Variants in RSPH9 observed in about 807,000 individuals in gnomAD.
RSPH9 encodes radial spoke head protein 9 homolog.
In RSPH9, 27 loss-of-function variants were observed where a neutral mutation model predicts 27.0. The observed-to-expected ratio is 1.00, with a 90% CI of 0.74 to 1.38. RSPH9 has a LOEUF of 1.38. RSPH9 is among the 40% of genes most tolerant of loss of function. The pLI is 0.00. For synonymous variants in RSPH9, 145 were observed against 147.7 expected (o/e 0.98, Z 0.13); for missense variants, 347 against 357.4 (o/e 0.97, Z 0.24).
chr6:43,652,401 T>C (rs138016123), intron 2 of RSPH9, among the ~76,000 whole-genome samples: 2,004 of 152,074 alleles, frequency 0.013, 21 homozygotes, highest in Non-Finnish European at 0.022. Context: ...GATCTTTCTA[T>C]ATCAGTGTCT....
chr6:43,671,030 T>G lies in RSPH9; in HGVS notation c.*81T>G. The G allele has an allele frequency of 6.5e-7, 1 of 1,533,388 alleles. No homozygotes were observed. Among genetic ancestry groups the G allele is most frequent in the African/African-American group, 1.4e-5 (1 of 73,488 alleles). 95.0% of individuals were successfully genotyped at this position (1,533,388 alleles called of 1,614,324 possible). On this transcript the variant is annotated 3_prime_UTR_variant, in exon 5 of 5. Transcript: ENST00000372163. The stretch of plus-strand genomic sequence containing the variant: ...TTCAGTGAACTTGGCCTGCCTGTTC[T>G]GTCCTATCTTCTTAACTCCACCTCC...
At chr6:43,661,023 A>G (rs983264046) in intron 4 of RSPH9, among the ~76,000 whole-genome samples, 17 of 152,238 alleles carry the variant, frequency 1.1e-4, no homozygotes, top group Admixed American at 9.2e-4. Flanking sequence ...CCATCAGAGC[A>G]CAACATTAAT....
intron 1 of RSPH9, among the ~76,000 whole-genome samples, chr6:43,649,950 G>A (rs6911069): frequency 0.052 from 7,869 of 152,268 alleles, 312 homozygotes; most frequent in African/African-American, 0.1. Context: ...TTTAGACAGA[G>A]TCTTGCTCTG....
In RSPH9 at chr6:43,656,700, C is replaced by T. The variant is rs866197166; in HGVS notation, c.647C>T (p.Ser216Phe). The change falls in exon 4 of 5, where the codon TCC becomes TTC. Residue 216 changes from serine to phenylalanine, a missense_variant. Transcript: ENST00000372163. ...DLDPSLDFMD[S>F]LEHDIPKGSW... is the part of the protein sequence containing the mutation. ...GACCCCTCCCTGGATTTCATGGACT[C>T]CTTGGAGCATGACATTCCCAAAGGT... The T allele has an allele frequency of 1.2e-6, 2 of 1,614,198 alleles. No homozygotes were observed. Among genetic ancestry groups the T allele is most frequent in the Non-Finnish European group, 1.7e-6 (2 of 1,180,030 alleles).
intron 4 of RSPH9, among the ~76,000 whole-genome samples, chr6:43,667,276 A>T (rs537314809): frequency 7.4e-4 from 112 of 152,308 alleles, no homozygotes; most frequent in Non-Finnish European, 1.1e-3. Context: ...GTAAAGGAGG[A>T]GGGCTGGAGG....
intron 4 of RSPH9, among the ~76,000 whole-genome samples, chr6:43,660,853 T>C (rs902594451): frequency 6.6e-6 from 1 of 151,848 alleles, no homozygotes; most frequent in Non-Finnish European, 1.5e-5. Flanking sequence ...AGAGGAATCA[T>C]TATCTATGGC....
chr6:43,665,635 C>A (rs921216191), intron 4 of RSPH9, among the ~76,000 whole-genome samples: 6 of 152,152 alleles, frequency 3.9e-5, no homozygotes, highest in African/African-American at 1.2e-4. Context: ...GCTGGCTTCA[C>A]TTCCCAGTCC....
intron 2 of RSPH9, among the ~76,000 whole-genome samples, chr6:43,652,169 G>A (rs1771544126): frequency 6.6e-6 from 1 of 151,444 alleles, no homozygotes; most frequent in South Asian, 2.1e-4. Context: ...AGCCGGGTGT[G>A]GTGGTGGGCA....
At chr6:43,666,405 G>A in intron 4 of RSPH9, 1 of 1,536,872 alleles carries the variant, frequency 6.5e-7, no homozygotes, top group South Asian at 1.2e-5. Context: ...GGCCAGTTAG[G>A]ATAACTGTTT....
Position 43,671,046 on chromosome 6 carries a change from C to A in RSPH9, c.*97C>A. ...TGCCTGTTCTGTCCTATCTTCTTAA[C>A]TCCACCTCCGTCTGGTTCCAGATTC... On this transcript the variant is annotated 3_prime_UTR_variant, in exon 5 of 5. Coordinates refer to ENST00000372163, the MANE Select transcript of RSPH9 (RefSeq NM_152732.5). 1 of 1,454,306 alleles carries A rather than the reference C, an allele frequency of 6.9e-7. No homozygotes were observed. The highest frequency in any genetic ancestry group is 9.5e-7 in the Non-Finnish European group (1 of 1,052,332). 90.1% of individuals were successfully genotyped at this position (1,454,306 alleles called of 1,614,324 possible). A position where few individuals can be genotyped will look rare whatever the true frequency, so the allele number is the denominator to read the frequency against.
chr6:43,650,567 G>A, intron 2 of RSPH9, 27 bp downstream of exon 2: 1 of 1,613,264 alleles, frequency 6.2e-7, no homozygotes, highest in Non-Finnish European at 8.5e-7. Context: ...GCAGGAGGAG[G>A]GCCTAAAAGA....
chr6:43,645,363 C>A, intron 1 of RSPH9, 38 bp downstream of exon 1: 1 of 816,146 alleles, frequency 1.2e-6, no homozygotes, highest in Non-Finnish European at 1.8e-6. Flanking sequence ...CAGAGGGTGG[C>A]TACCTGGAGG....
chr6:43,671,941 C>A lies in RSPH9; in HGVS notation c.*992C>A. The A allele has an allele frequency of 6.4e-7, 1 of 1,552,244 alleles. No homozygotes were observed. Among genetic ancestry groups the A allele is most frequent in the South Asian group, 1.2e-5 (1 of 82,426 alleles). On this transcript the variant is annotated 3_prime_UTR_variant, in exon 5 of 5. Transcript: ENST00000372163. The stretch of plus-strand genomic sequence containing the variant: ...GAGAACAAAGAGGTGCCTGTGAGGG[C>A]TGGGGGCCCAAGCTGGACGTGGGAG...
Position 43,656,734 on chromosome 6 carries a change from A to T in RSPH9, c.670+11A>T. ...ATGACATTCCCAAAGGTAATAGTCC[A>T]TTACCTGGAGGCCATGGGATCTGTC... On this transcript the variant is annotated intron_variant, in intron 4 of 4. Transcript: ENST00000372163. The T allele has an allele frequency of 6.2e-7, 1 of 1,613,804 alleles. No individual in the cohort carries two copies. The highest frequency in any genetic ancestry group is 2.2e-5 in the East Asian group (1 of 44,876).
intron 1 of RSPH9, among the ~76,000 whole-genome samples, chr6:43,647,351 G>C (rs541293492): frequency 1.3e-5 from 2 of 152,292 alleles, no homozygotes; most frequent in East Asian, 3.9e-4. Flanking sequence ...AGAAGAGCCT[G>C]CTCCGATCAG....
Position 43,650,388 on chromosome 6 carries a change from G to C in RSPH9, c.241G>C (p.Glu81Gln). 1 of 1,613,330 alleles carries C rather than the reference G, an allele frequency of 6.2e-7. No individual in the cohort carries two copies. The highest frequency in any genetic ancestry group is 8.5e-7 in the Non-Finnish European group (1 of 1,179,952). The change falls in exon 2 of 5, where the codon GAG (glutamate) becomes CAG (glutamine). Residue 81 changes from glutamate (E) to glutamine (Q), a missense_variant. By Grantham distance (29) the Glu-to-Gln change is conservative (BLOSUM62 2). Transcript: ENST00000372163. ...TATTGTTGGCAGCCTGAACTGCACA[G>C]AGTGGAGCCTCTTGCCCCCTGCCAC... Reference protein sequence around the residue: ...RKTLYSLNCTEWSLLPPATEE... With the variant: ...RKTLYSLNCTQWSLLPPATEE...
At position 43,672,327 on chromosome 6, in the gene RSPH9, A is replaced by G. The variant is rs2277124; in HGVS notation, c.*1378A>G. 71,443 of 462,566 alleles carry G rather than the reference A, an allele frequency of 0.15. 6,771 individuals are homozygous for G. The highest frequency in any genetic ancestry group is 0.27 in the East Asian group (3,776 of 14,164). The allele number at this position is 462,566 out of a possible 1,614,324, so 28.7% of individuals were successfully genotyped here. A position where few individuals can be genotyped will look rare whatever the true frequency, so the allele number is the denominator to read the frequency against. On this transcript the variant is annotated 3_prime_UTR_variant, in exon 5 of 5. Transcript: ENST00000372163. ...CCATTTGGCTCACTCAGCTACCCCA[A>G]CCTTCAGGGAACTCCCCAGGGTACT... is the stretch of plus-strand genomic sequence containing the variant.
chr6:43,667,570 T>G (rs1582399001), intron 4 of RSPH9, among the ~76,000 whole-genome samples: 1 of 152,226 alleles, frequency 6.6e-6, no homozygotes, highest in South Asian at 2.1e-4. Context: ...CGCAGGTGGC[T>G]CTTCCTGCCC....
At chr6:43,659,070 A>T (rs982985130) in intron 4 of RSPH9, among the ~76,000 whole-genome samples, 4 of 152,282 alleles carry the variant, frequency 2.6e-5, no homozygotes, top group Admixed American at 2.0e-4. Flanking sequence ...GTCTTAAGAA[A>T]CCACTTTCTT....
Sources: gnomAD v4.1 joint callset for allele counts (sites outside exome capture counted in the v4.1 genomes callset) on GRCh38, gnomAD v4.1.1 for gene constraint, MANE v1.5 for transcripts, NCBI Gene and HGNC (gene_info 2026-07-23, HGNC 2026-07-21) for gene names.